The following XKR9 variants were observed in gnomAD, a reference collection of about 807,000 sequenced individuals.
XKR9 encodes the protein XK related 9.
Under a neutral mutation model 32.0 loss-of-function variants are expected in XKR9, and 32 were observed. That is an observed-to-expected ratio of 1.00 (90% CI 0.76 to 1.34). The LOEUF (loss-of-function observed/expected upper bound fraction) is 1.34, where lower values mean the gene tolerates loss of function less well. Ranked by LOEUF, XKR9 falls within the 40% of genes most tolerant of loss-of-function variation. The pLI is 0.00. For missense variants in XKR9, 546 were observed against 429.7 expected (o/e 1.27, Z -2.39); for synonymous variants, 168 against 143.4 (o/e 1.17, Z -1.22).
chr8:70,836,826 G>A, the XKR9 span, among the ~76,000 whole-genome samples: 4 of 152,040 alleles, frequency 2.6e-5, no homozygotes, highest in Non-Finnish European at 5.9e-5. Context: ...GGGCACTGGG[G>A]ATAAGTTGTG....
At chr8:70,717,467 C>T (rs897785238) in intron 4 of XKR9, among the ~76,000 whole-genome samples, 1 of 152,180 alleles carries the variant, frequency 6.6e-6, no homozygotes, top group African/African-American at 2.4e-5. Flanking sequence ...AGGCCCAGTA[C>T]CACTTGTAAG....
the XKR9 span, among the ~76,000 whole-genome samples, chr8:70,959,554 C>A: frequency 6.6e-6 from 1 of 152,114 alleles, no homozygotes; most frequent in East Asian, 1.9e-4. Flanking sequence ...GGAGAATTTT[C>A]GTAAGTGTAT....
the XKR9 span, among the ~76,000 whole-genome samples, chr8:70,986,932 C>T: frequency 1.3e-5 from 2 of 152,238 alleles, no homozygotes; most frequent in African/African-American, 4.8e-5. Flanking sequence ...CAAGGAGGAA[C>T]AAGTCTTGTC....
intron 2 of XKR9, among the ~76,000 whole-genome samples, chr8:70,675,264 A>G (rs746211015): frequency 2.6e-5 from 4 of 152,148 alleles, no homozygotes; most frequent in African/African-American, 9.7e-5. Flanking sequence ...CGTCTCTACT[A>G]AAAATACAAA....
chr8:70,846,962 G>A, the XKR9 span, among the ~76,000 whole-genome samples: 1 of 151,928 alleles, frequency 6.6e-6, no homozygotes, highest in African/African-American at 2.4e-5. Flanking sequence ...AACATTCATT[G>A]GATTTTAACT....
chr8:70,877,208 C>T, the XKR9 span, among the ~76,000 whole-genome samples: 1 of 152,150 alleles, frequency 6.6e-6, no homozygotes, highest in Non-Finnish European at 1.5e-5. Context: ...ATCACAAGAA[C>T]AGTCTGTGGG....
At position 70,769,228 on chromosome 8, in the gene XKR9, CT is replaced by C. The variant is rs879627943; in HGVS notation, n.353-20095del. On this transcript the variant is annotated intron_variant and non_coding_transcript_variant, in intron 2 of 3. Transcript: ENST00000520273. ...GAAATGAAATTCTGGGTTGAAAAAT[CT>C]TTTTTTTTTTTTTTTAAGAATGTTG... Among the ~76,000 whole-genome samples the C allele has an allele frequency of 5.9e-3, 787 of 132,612 alleles. 3 individuals are homozygous for C. Among genetic ancestry groups the C allele is most frequent in the African/African-American group, 7.5e-3 (271 of 36,010 alleles). 87.0% of individuals were successfully genotyped at this position (132,612 alleles called of 152,430 possible). A position where few individuals can be genotyped will look rare whatever the true frequency, so the allele number is the denominator to read the frequency against.
the XKR9 span, among the ~76,000 whole-genome samples, chr8:71,044,655 G>C: frequency 6.6e-6 from 1 of 152,108 alleles, no homozygotes; most frequent in South Asian, 2.1e-4. Context: ...AATAGTATTA[G>C]TATATATTCT....
At chr8:70,817,326 C>T in the XKR9 span, among the ~76,000 whole-genome samples, 1 of 151,754 alleles carries the variant, frequency 6.6e-6, no homozygotes, top group East Asian at 1.9e-4. Flanking sequence ...TTCTGTGCAC[C>T]AATAATGTTC....
the XKR9 span, among the ~76,000 whole-genome samples, chr8:70,885,247 G>A: frequency 6.6e-6 from 1 of 151,918 alleles, no homozygotes; most frequent in South Asian, 2.1e-4. Flanking sequence ...AAACTTGGTT[G>A]GTTCATTCCT....
intron 4 of XKR9, among the ~76,000 whole-genome samples, chr8:70,731,417 C>T (rs1014018574): frequency 3.3e-5 from 5 of 152,134 alleles, no homozygotes; most frequent in African/African-American, 1.2e-4. Context: ...GCTTGATGTG[C>T]CATAGCTGTG....
At chr8:70,976,054 T>G in the XKR9 span, among the ~76,000 whole-genome samples, 24 of 152,090 alleles carry the variant, frequency 1.6e-4, no homozygotes, top group Admixed American at 1.3e-4. Flanking sequence ...GTCTGTTATT[T>G]GTGTATAAGA....
chr8:70,751,663 T>A lies in XKR9; in HGVS notation n.353-37676T>A, dbSNP rs149740326. ...GGTGATTTGCCGTTTCTTCTTGAGC[T>A]GAGACATCTACCTCCTCCTGCCCTT... is the stretch of plus-strand genomic sequence containing the variant. On this transcript the variant is annotated intron_variant and non_coding_transcript_variant, in intron 2 of 3. Coordinates refer to the XKR9 transcript ENST00000520273. Among the ~76,000 whole-genome samples, 198 of 152,276 alleles carry A rather than the reference T, an allele frequency of 1.3e-3. 3 individuals carry two copies. In the East Asian group the frequency reaches 0.035, roughly 27 times the overall value.
the XKR9 span, among the ~76,000 whole-genome samples, chr8:71,049,096 G>T: frequency 6.6e-6 from 1 of 152,158 alleles, no homozygotes; most frequent in Non-Finnish European, 1.5e-5. Flanking sequence ...ACTTTTTAAT[G>T]TGTGGTTGAC....
chr8:70,749,492 G>A (rs902205492), intron 2 of XKR9, among the ~76,000 whole-genome samples: 2 of 152,366 alleles, frequency 1.3e-5, no homozygotes, highest in Non-Finnish European at 2.9e-5. Context: ...GAAGCTACTT[G>A]TGGTACATTT....
chr8:70,761,973 G>C (rs1807315519), intron 2 of XKR9, among the ~76,000 whole-genome samples: 2 of 151,946 alleles, frequency 1.3e-5, no homozygotes, highest in South Asian at 4.1e-4. Flanking sequence ...CCCTTTGCTT[G>C]TTTTTGTCAG....
At chr8:70,744,716 G>T (rs1446841377) in intron 2 of XKR9, among the ~76,000 whole-genome samples, 1 of 152,150 alleles carries the variant, frequency 6.6e-6, no homozygotes, top group Non-Finnish European at 1.5e-5. Context: ...CGTGATTCTT[G>T]TGCCTCAGCC....
intron 2 of XKR9, among the ~76,000 whole-genome samples, chr8:70,757,510 T>C (rs182570073): frequency 3.7e-4 from 56 of 152,324 alleles, no homozygotes; most frequent in African/African-American, 1.3e-3. Flanking sequence ...CTCTATTTGG[T>C]ATAATATTGT....
chr8:70,899,633 T>C, the XKR9 span, among the ~76,000 whole-genome samples: 1 of 152,124 alleles, frequency 6.6e-6, no homozygotes, highest in Non-Finnish European at 1.5e-5. Context: ...TAGTTGCTTT[T>C]TAATTATGTC....
Sources: allele counts gnomAD v4.1 joint callset (sites outside exome capture counted in the v4.1 genomes callset), GRCh38; gene constraint gnomAD v4.1.1; transcripts MANE v1.5; gene names NCBI Gene and HGNC (gene_info 2026-07-23, HGNC 2026-07-21).